The following NUDT7 variants were observed in gnomAD, a reference collection of about 807,000 sequenced individuals.
The protein encoded by NUDT7 is nudix hydrolase 7.
NUDT7 carries 19 observed loss-of-function variants against 13.1 expected under a neutral mutation model. That is an observed-to-expected ratio of 1.45 (90% CI 1.01 to 2.13). The LOEUF (loss-of-function observed/expected upper bound fraction) is 2.13, where lower values mean the gene tolerates loss of function less well. Ranked by LOEUF, NUDT7 falls within the 30% of genes most tolerant of loss-of-function variation. The probability of loss-of-function intolerance (pLI) is 0.00; values close to 1 mark genes in which losing one functional copy is unlikely to be tolerated. For synonymous variants in NUDT7, 132 were observed against 109.7 expected (o/e 1.20, Z -1.27); for missense variants, 360 against 291.7 (o/e 1.23, Z -1.71).
chr16:77,737,214 TG>T (rs1425525412), intron 3 of NUDT7, among the ~76,000 whole-genome samples: 7 of 152,376 alleles, frequency 4.6e-5, no homozygotes, highest in African/African-American at 1.4e-4. Flanking sequence ...CTTTCTGTCC[TG>T]GATCTCATCT....
intron 1 of NUDT7, among the ~76,000 whole-genome samples, chr16:77,723,091 C>T (rs1360627445): frequency 6.6e-6 from 1 of 152,190 alleles, no homozygotes; most frequent in Non-Finnish European, 1.5e-5. Context: ...TGAGACCATG[C>T]TCAGAACGGG....
chr16:77,741,776 A>G lies in NUDT7; in HGVS notation c.543A>G (p.Glu181=). 6.2e-7 allele frequency: 1 copy of G among 1,614,168 alleles called. No individual in the cohort carries two copies. Among genetic ancestry groups the G allele is most frequent in the Non-Finnish European group, 8.5e-7 (1 of 1,180,032 alleles). ...ATATCTTTGAGTACACAAACCCTGA[A>G]GACGGTGTCACTTACCAGATCAAGG... ...INHIFEYTNP[E]DGVTYQIKGM... is the part of the protein sequence containing the mutation. Residue 181 remains glutamate, a synonymous_variant, in exon 4 of 4, where the codon GAA becomes GAG. Coordinates refer to ENST00000268533, the MANE Select transcript of NUDT7 (RefSeq NM_001105663.3).
At chr16:77,725,968 G>A (rs964517694) in intron 2 of NUDT7, among the ~76,000 whole-genome samples, 5 of 152,088 alleles carry the variant, frequency 3.3e-5, no homozygotes, top group African/African-American at 9.7e-5. Context: ...ACACACCTTT[G>A]TCCCTTTGTC....
At chr16:77,734,939 A>G (rs2014431304) in intron 2 of NUDT7, among the ~76,000 whole-genome samples, 1 of 152,084 alleles carries the variant, frequency 6.6e-6, no homozygotes, top group African/African-American at 2.4e-5. Context: ...AACACAGTAA[A>G]TGTATTAAAC....
chr16:77,732,893 C>G (rs1258452829), intron 2 of NUDT7, among the ~76,000 whole-genome samples: 3 of 152,148 alleles, frequency 2.0e-5, no homozygotes, highest in Non-Finnish European at 2.9e-5. Flanking sequence ...GTTGAACGTT[C>G]TAACAATAAA....
At chr16:77,723,371 T>A (rs1442028282) in intron 1 of NUDT7, among the ~76,000 whole-genome samples, 2 of 152,056 alleles carry the variant, frequency 1.3e-5, no homozygotes, top group Non-Finnish European at 2.9e-5. Flanking sequence ...CCCAACCACA[T>A]CTGGTGAGCA....
intron 3 of NUDT7, among the ~76,000 whole-genome samples, chr16:77,737,608 C>G (rs1379917603): frequency 1.3e-5 from 2 of 152,158 alleles, no homozygotes; most frequent in Admixed American, 6.5e-5. Context: ...GCCTCAGCCT[C>G]CCCAGTAGCT....
rs370686788 is a variant in NUDT7 at position 77,722,533 on chromosome 16, G to C, written c.-50G>C. ...AGAGCTGCTCTGCGCAAGCGCGACCGACCGAGCAGCTCCGAGGAGTCCGCC... is the reference window on the plus strand; with the variant it reads ...AGAGCTGCTCTGCGCAAGCGCGACCCACCGAGCAGCTCCGAGGAGTCCGCC... On this transcript the variant is annotated 5_prime_UTR_variant, in exon 1 of 4. Transcript: ENST00000268533. 311 of 1,539,702 alleles carry C rather than the reference G, an allele frequency of 2.0e-4. 1 individual carries two copies. In the African/African-American group the frequency reaches 3.7e-3, roughly 18 times the overall value.
chr16:77,724,385 C>G (rs1227104715), intron 1 of NUDT7, among the ~76,000 whole-genome samples: 2 of 152,118 alleles, frequency 1.3e-5, no homozygotes, highest in African/African-American at 4.8e-5. Context: ...CTTCCGCCTT[C>G]CAAGTAGCTG....
At chr16:77,738,010 T>G (rs1198232975) in intron 3 of NUDT7, among the ~76,000 whole-genome samples, 2 of 152,124 alleles carry the variant, frequency 1.3e-5, no homozygotes, top group Non-Finnish European at 2.9e-5. Context: ...TGGTTTTGTT[T>G]GCAAAAAGCT....
At chr16:77,735,285 C>T (rs1035226652) in intron 2 of NUDT7, 62 of 406,024 alleles carry the variant, frequency 1.5e-4, no homozygotes, top group South Asian at 5.4e-4. Context: ...ATCACGTGGG[C>T]GGATTTCCCC....
chr16:77,727,834 G>A (rs1277079114), intron 2 of NUDT7, among the ~76,000 whole-genome samples: 4 of 151,842 alleles, frequency 2.6e-5, no homozygotes, highest in African/African-American at 4.8e-5. Context: ...TCCAGCCTGG[G>A]CAACAGAGCA....
In NUDT7 at chr16:77,735,984, G is replaced by A. The variant is rs79804925; in HGVS notation, c.346G>A (p.Asp116Asn). ...CTGCTGCCTGGTGCCATGTCTTATT[G>A]ATGTAAGGGTTTCCTGAGACACTCA... is the stretch of plus-strand genomic sequence containing the variant. ...VVCCLVPCLI[D>N]TDTLITPFVG... The change falls in exon 3 of 4, where the codon GAT becomes AAT. Residue 116 changes from aspartate (D) to asparagine (N), a missense_variant and splice_region_variant. Coordinates refer to ENST00000268533, the MANE Select transcript of NUDT7 (RefSeq NM_001105663.3). 36 of 1,613,830 alleles carry A rather than the reference G, an allele frequency of 2.2e-5. No homozygotes were observed. The highest frequency in any genetic ancestry group is 3.0e-5 in the Non-Finnish European group (35 of 1,179,948).
At position 77,738,780 on chromosome 16, in the gene NUDT7, C is replaced by G. The variant is rs115759869; in HGVS notation, c.348+2794C>G. Reference sequence around the variant, plus strand: ...CAGGCAGGCTGTGACACCACAACCCCCACCCCAGTTTTCCCTTTTGTCAGA... The same window carrying G: ...CAGGCAGGCTGTGACACCACAACCCGCACCCCAGTTTTCCCTTTTGTCAGA... On this transcript the variant is annotated intron_variant, in intron 3 of 3. Coordinates refer to ENST00000268533, the MANE Select transcript of NUDT7 (RefSeq NM_001105663.3). Among the ~76,000 whole-genome samples the G allele has an allele frequency of 3.4e-3, 516 of 152,292 alleles. 3 individuals are homozygous for G. The highest frequency in any genetic ancestry group is 0.02 in the Middle Eastern group (6 of 294).
intron 3 of NUDT7, among the ~76,000 whole-genome samples, chr16:77,741,299 C>T (rs562315589): frequency 1.3e-5 from 2 of 152,248 alleles, no homozygotes; most frequent in African/African-American, 2.4e-5. Context: ...CAGGTCAAAG[C>T]GAACACATTT....
chr16:77,734,785 C>T (rs2145120921), intron 2 of NUDT7, among the ~76,000 whole-genome samples: 1 of 152,006 alleles, frequency 6.6e-6, no homozygotes, highest in Admixed American at 6.5e-5. Flanking sequence ...GGAAAAATGC[C>T]AGACACAAAA....
chr16:77,734,020 G>A (rs544104647), intron 2 of NUDT7, among the ~76,000 whole-genome samples: 5 of 152,248 alleles, frequency 3.3e-5, no homozygotes, highest in Admixed American at 1.3e-4. Context: ...TAGAGACACT[G>A]TCAGTTCTCC....
chr16:77,737,089 T>C (rs564714775), intron 3 of NUDT7, among the ~76,000 whole-genome samples: 6 of 152,274 alleles, frequency 3.9e-5, no homozygotes, highest in South Asian at 4.1e-4. Flanking sequence ...TCCCCTGTGG[T>C]TGACATCTTA....
intron 2 of NUDT7, among the ~76,000 whole-genome samples, chr16:77,732,173 C>T (rs915255685): frequency 6.6e-6 from 1 of 151,890 alleles, no homozygotes; most frequent in African/African-American, 2.4e-5. Flanking sequence ...ACTAAAAATA[C>T]AAAAATTAGC....
Sources: gnomAD v4.1 joint callset for allele counts (sites outside exome capture counted in the v4.1 genomes callset) on GRCh38, gnomAD v4.1.1 for gene constraint, MANE v1.5 for transcripts, NCBI Gene and HGNC (gene_info 2026-07-23, HGNC 2026-07-21) for gene names.